GNPTAB: variants seen among roughly 807,000 people sequenced by gnomAD.
GNPTAB encodes N-acetylglucosamine-1-phosphate transferase subunits alpha and beta.
In GNPTAB, 92 loss-of-function variants were observed where a neutral mutation model predicts 136.6. The observed-to-expected ratio is 0.67, with a 90% CI of 0.57 to 0.80. The LOEUF is 0.80. Among genes scored for constraint, GNPTAB ranks in the 30% least tolerant of loss-of-function variants. The pLI is 0.00. For missense variants in GNPTAB, 1,343 were observed against 1,501.8 expected (o/e 0.89, Z 1.75); for synonymous variants, 512 against 535.1 (o/e 0.96, Z 0.60).
intron 1 of GNPTAB, among the ~76,000 whole-genome samples, chr12:101,811,024 T>G (rs538171721): frequency 6.6e-5 from 10 of 152,324 alleles, no homozygotes; most frequent in Admixed American, 6.5e-4. Context: ...CTAGAGGATC[T>G]CTCAGCCTCT....
chr12:101,764,732 T>C lies in GNPTAB; in HGVS notation c.2185A>G (p.Asn729Asp). The C allele has an allele frequency of 6.2e-7, 1 of 1,613,670 alleles. No homozygotes were observed. The highest frequency in any genetic ancestry group is 1.1e-5 in the South Asian group (1 of 91,024). ...CTCAGCAAGGCTGACTTGGACAAAT[T>C]GTATCCTTTCAAAGTGATGTCTCCA... ...EHGDITLKGY[N>D]LSKSALLRSF... Residue 729 changes from asparagine (N) to aspartate (D), a missense_variant, in exon 13 of 21, where the codon AAT (asparagine) becomes GAT (aspartate). Coordinates refer to ENST00000299314, the MANE Select transcript of GNPTAB (RefSeq NM_024312.5).
At chr12:101,794,412 G>A (rs1385798205) in intron 2 of GNPTAB, among the ~76,000 whole-genome samples, 1 of 152,072 alleles carries the variant, frequency 6.6e-6, no homozygotes, top group African/African-American at 2.4e-5. Context: ...ACTTTGGGAG[G>A]CTGAGGTAAG....
chr12:101,783,922 T>A (rs1868485208), intron 5 of GNPTAB, among the ~76,000 whole-genome samples: 1 of 151,980 alleles, frequency 6.6e-6, no homozygotes, highest in Non-Finnish European at 1.5e-5. Flanking sequence ...TTTGCCATGT[T>A]ACCAAGTCTG....
At chr12:101,757,431 C>G (rs1286991377) in intron 17 of GNPTAB, 121 bp from the exon 18 acceptor site, 1 of 763,860 alleles carries the variant, frequency 1.3e-6, no homozygotes, top group Non-Finnish European at 2.2e-6. Flanking sequence ...ATAACTTAAA[C>G]TTTTAATACT....
At chr12:101,788,033 T>G (rs774910774) in intron 4 of GNPTAB, among the ~76,000 whole-genome samples, 1 of 152,124 alleles carries the variant, frequency 6.6e-6, no homozygotes, top group Non-Finnish European at 1.5e-5. Flanking sequence ...AGATTGCTTG[T>G]CAGTGAGACA....
Position 101,770,071 on chromosome 12 carries a change from C to A in GNPTAB, c.1234G>T (p.Gly412Trp), listed in dbSNP as rs746844292. Residue 412 changes from glycine to tryptophan, a missense_variant, in exon 10 of 21, where the codon GGG (glycine) becomes TGG (tryptophan). By Grantham distance (184) the Gly-to-Trp change is radical. Coordinates refer to ENST00000299314, the MANE Select transcript of GNPTAB (RefSeq NM_024312.5). ...FIYLNDDVMF[G>W]KDVWPDDFYS... is the part of the protein sequence containing the mutation. ...AAATCATCTGGCCAGACATCCTTCCCAAACATGACATCATCATTTAGGTAA... is the reference window on the plus strand; with the variant it reads ...AAATCATCTGGCCAGACATCCTTCCAAAACATGACATCATCATTTAGGTAA... 6.2e-7 allele frequency: 1 copy of A among 1,614,158 alleles called. No individual in the cohort carries two copies. Among genetic ancestry groups the A allele is most frequent in the South Asian group, 1.1e-5 (1 of 91,082 alleles).
intron 2 of GNPTAB, chr12:101,796,363 T>A (rs1426588288): frequency 4.4e-6 from 3 of 688,542 alleles, no homozygotes; most frequent in Non-Finnish European, 7.9e-6. Flanking sequence ...CAAAATGTGG[T>A]GAACACACTT....
At chr12:101,766,358 C>A in intron 11 of GNPTAB, 64 bp from the exon 12 acceptor site, 1 of 1,433,512 alleles carries the variant, frequency 7.0e-7, no homozygotes, top group Non-Finnish European at 9.8e-7. Flanking sequence ...CAGTTCTGGA[C>A]TGGGTGTGGT....
rs114026112 is a variant in GNPTAB at position 101,823,218 on chromosome 12, A to C, written c.117+7341T>G. 3.6e-3 allele frequency among the ~76,000 whole-genome samples: 550 copies of C among 152,334 alleles called. 2 individuals carry two copies. The highest frequency in any genetic ancestry group is 0.012 in the African/African-American group (514 of 41,582). ...CTGGGCTTAGGAACGGAAAAGTGCCATGATGAACAAGGCCGAGTCTTAGGA... is the reference window on the plus strand; with the variant it reads ...CTGGGCTTAGGAACGGAAAAGTGCCCTGATGAACAAGGCCGAGTCTTAGGA... On this transcript the variant is annotated intron_variant, in intron 1 of 20. Coordinates refer to ENST00000299314, the MANE Select transcript of GNPTAB (RefSeq NM_024312.5).
At chr12:101,813,684 G>C (rs1870354256) in intron 1 of GNPTAB, among the ~76,000 whole-genome samples, 1 of 152,138 alleles carries the variant, frequency 6.6e-6, no homozygotes, top group Non-Finnish European at 1.5e-5. Context: ...TTTGGTCTCA[G>C]GACCCCCTTA....
chr12:101,764,299 G>GT lies in GNPTAB; in HGVS notation c.2617dup (p.Thr873AsnfsTer2), dbSNP rs752874974. Reference sequence around the variant, plus strand: ...CAGCTTTCTTCCAAGTAACACTTCAGTAACGCCTATGTGATTTTCAGCATT... The same window carrying GT: ...CAGCTTTCTTCCAAGTAACACTTCAGTTAACGCCTATGTGATTTTCAGCATT... On this transcript the variant is annotated frameshift_variant, in exon 13 of 21. Transcript: ENST00000299314. LOFTEE classifies it high-confidence loss of function. 6.2e-7 allele frequency: 1 copy of GT among 1,613,994 alleles called. No individual in the cohort carries two copies.
chr12:101,785,705 G>A, intron 5 of GNPTAB: 1 of 338,274 alleles, frequency 3.0e-6, no homozygotes, highest in Non-Finnish European at 5.5e-6. Context: ...TAGTAGAGGA[G>A]TTATATAGTA....
intron 1 of GNPTAB, among the ~76,000 whole-genome samples, chr12:101,802,334 G>C (rs891959778): frequency 6.6e-6 from 1 of 152,048 alleles, no homozygotes. Flanking sequence ...GCTGAACTTC[G>C]TGCCATTGCC....
Position 101,803,696 on chromosome 12 carries a change from G to A in GNPTAB, c.118-6934C>T, listed in dbSNP as rs77790583. ...ATGGAAATCAGGGCTCTGTCCTCAAGGAGCTGACATTCCTGTTAAGGATTA... is the reference window on the plus strand; with the variant it reads ...ATGGAAATCAGGGCTCTGTCCTCAAAGAGCTGACATTCCTGTTAAGGATTA... On this transcript the variant is annotated intron_variant, in intron 1 of 20. Coordinates refer to ENST00000299314, the MANE Select transcript of GNPTAB (RefSeq NM_024312.5). Among the ~76,000 whole-genome samples, 1,490 of 152,312 alleles carry A rather than the reference G, an allele frequency of 9.8e-3. 25 individuals carry two copies. Among genetic ancestry groups the A allele is most frequent in the African/African-American group, 0.034 (1,432 of 41,560 alleles).
At position 101,824,301 on chromosome 12, in the gene GNPTAB, G is replaced by A. The variant is rs180929391; in HGVS notation, c.117+6258C>T. Among the ~76,000 whole-genome samples, 6 of 150,800 alleles carry A rather than the reference G, an allele frequency of 4.0e-5. No individual in the cohort carries two copies. The South Asian group carries it at 8.4e-4, about 21-fold the overall frequency. ...TTCTCATATGAGGAGAGCTTGCTGA[G>A]AAGTAAACTAAAGAGGGGAAGGCAG... On this transcript the variant is annotated intron_variant, in intron 1 of 20. Coordinates refer to ENST00000299314, the MANE Select transcript of GNPTAB (RefSeq NM_024312.5).
In GNPTAB at chr12:101,757,569, T is replaced by C; in HGVS notation, c.3335+3A>G. ...ACAAAGGGAGTATGCGTGTACTACT[T>C]ACCTATATTTGTTTTTGTCCTTATA... is the stretch of plus-strand genomic sequence containing the variant. On this transcript the variant is annotated splice_donor_region_variant and intron_variant, in intron 17 of 20. Coordinates refer to ENST00000299314, the MANE Select transcript of GNPTAB (RefSeq NM_024312.5). 1.5e-6 allele frequency: 2 copies of C among 1,369,944 alleles called. No individual in the cohort carries two copies. The highest frequency in any genetic ancestry group is 2.1e-6 in the Non-Finnish European group (2 of 958,128). The allele number at this position is 1,369,944 out of a possible 1,614,324, so 84.9% of individuals were successfully genotyped here. A position where few individuals can be genotyped will look rare whatever the true frequency, so the allele number is the denominator to read the frequency against.
chr12:101,751,419 G>C (rs1317884960), intron 19 of GNPTAB, among the ~76,000 whole-genome samples: 1 of 152,146 alleles, frequency 6.6e-6, no homozygotes, highest in Non-Finnish European at 1.5e-5. Context: ...TCAAGGCCTG[G>C]TACCACATGC....
intron 1 of GNPTAB, among the ~76,000 whole-genome samples, chr12:101,814,671 T>A (rs1870426377): frequency 6.6e-6 from 1 of 152,148 alleles, no homozygotes; most frequent in South Asian, 2.1e-4. Flanking sequence ...CACTCCAGCC[T>A]GGGCAACAGA....
chr12:101,805,765 T>C (rs535158335), intron 1 of GNPTAB, among the ~76,000 whole-genome samples: 2 of 152,262 alleles, frequency 1.3e-5, no homozygotes, highest in South Asian at 4.1e-4. Context: ...ATTGGCAGTG[T>C]GTACCAAAGA....
Sources: gnomAD v4.1 joint callset for allele counts (sites outside exome capture counted in the v4.1 genomes callset) on GRCh38, gnomAD v4.1.1 for gene constraint, MANE v1.5 for transcripts, NCBI Gene and HGNC (gene_info 2026-07-23, HGNC 2026-07-21) for gene names.